The following FBXL17 variants were observed in gnomAD, a reference collection of about 807,000 sequenced individuals.
FBXL17 encodes the protein F-box/LRR-repeat protein 17.
A neutral mutation model predicts 66.2 loss-of-function variants in FBXL17; 22 were observed. That is an observed-to-expected ratio of 0.33 (90% CI 0.24 to 0.47). The LOEUF is 0.47. FBXL17 is among the 20% of genes least tolerant of loss of function. FBXL17 has a pLI of 1.00. For missense variants in FBXL17, 878 were observed against 948.2 expected, an observed-to-expected ratio of 0.93 and a Z score of 0.97; for synonymous variants, 474 against 400.5, an observed-to-expected ratio of 1.18 and a Z score of -2.19.
intron 4 of FBXL17, among the ~76,000 whole-genome samples, chr5:108,294,785 A>T (rs1758277547): frequency 6.6e-6 from 1 of 152,074 alleles, no homozygotes; most frequent in African/African-American, 2.4e-5. Flanking sequence ...AAAAAATACA[A>T]ATCTAAGCCA....
chr5:108,213,807 T>C (rs1754480539), intron 5 of FBXL17, among the ~76,000 whole-genome samples: 1 of 152,240 alleles, frequency 6.6e-6, no homozygotes, highest in African/African-American at 2.4e-5. Flanking sequence ...GGTATTTTAA[T>C]ATAGTTTTAA....
chr5:108,149,447 C>G (rs1011824221), intron 6 of FBXL17, among the ~76,000 whole-genome samples: 5 of 152,156 alleles, frequency 3.3e-5, no homozygotes, highest in Non-Finnish European at 7.4e-5. Flanking sequence ...TTCTCATTAT[C>G]CCCTAAGTAG....
intron 6 of FBXL17, among the ~76,000 whole-genome samples, chr5:108,026,501 G>C (rs957044635): frequency 2.6e-5 from 4 of 152,248 alleles, no homozygotes; most frequent in African/African-American, 9.6e-5. Context: ...CTAAAGATGT[G>C]CTCATAGAAG....
chr5:107,931,714 T>G (rs529616914), intron 7 of FBXL17, among the ~76,000 whole-genome samples: 3 of 152,188 alleles, frequency 2.0e-5, no homozygotes, highest in Non-Finnish European at 4.4e-5. Context: ...TAAAGACACC[T>G]AAGGCATAGA....
chr5:107,936,887 C>A (rs1030868555), intron 7 of FBXL17, among the ~76,000 whole-genome samples: 1 of 152,028 alleles, frequency 6.6e-6, no homozygotes, highest in Non-Finnish European at 1.5e-5. Context: ...GCTTTACCCA[C>A]CATAAACTTG....
At chr5:107,955,105 G>A (rs1751619569) in intron 7 of FBXL17, among the ~76,000 whole-genome samples, 1 of 151,894 alleles carries the variant, frequency 6.6e-6, no homozygotes, top group African/African-American at 2.4e-5. Context: ...AAAATAAAAT[G>A]CTAAAAGCTA....
intron 7 of FBXL17, among the ~76,000 whole-genome samples, chr5:107,955,441 C>T (rs1190111536): frequency 6.6e-6 from 1 of 152,120 alleles, no homozygotes; most frequent in East Asian, 1.9e-4. Flanking sequence ...TGATCTGAAA[C>T]CCTCTTTAAT....
chr5:107,995,743 A>G (rs1294104812), intron 7 of FBXL17, among the ~76,000 whole-genome samples: 1 of 152,044 alleles, frequency 6.6e-6, no homozygotes, highest in Non-Finnish European at 1.5e-5. Flanking sequence ...ATAACATTAA[A>G]TAAATTAAAT....
intron 4 of FBXL17, among the ~76,000 whole-genome samples, chr5:108,318,294 G>A (rs1413764604): frequency 1.3e-5 from 2 of 151,564 alleles, no homozygotes; most frequent in African/African-American, 4.8e-5. Flanking sequence ...TTTTACCTTT[G>A]CTATGTCTTC....
chr5:107,915,371 C>T (rs1299143566), intron 7 of FBXL17, among the ~76,000 whole-genome samples: 1 of 152,032 alleles, frequency 6.6e-6, no homozygotes, highest in East Asian at 1.9e-4. Flanking sequence ...AAAAAAGAAC[C>T]GTAGTTAATA....
At chr5:108,298,445 A>C (rs1758438902) in intron 4 of FBXL17, 3 of 972,954 alleles carry the variant, frequency 3.1e-6, no homozygotes, top group Non-Finnish European at 3.7e-6. Context: ...TCTAAACAAA[A>C]CTTCAGTAGG....
At chr5:108,170,283 T>A (rs983176462) in intron 6 of FBXL17, among the ~76,000 whole-genome samples, 1 of 152,116 alleles carries the variant, frequency 6.6e-6, no homozygotes, top group Admixed American at 6.5e-5. Context: ...TCCCAGACAT[T>A]AATATTTAAC....
At chr5:107,896,644 G>C (rs1243261861) in intron 7 of FBXL17, among the ~76,000 whole-genome samples, 2 of 152,102 alleles carry the variant, frequency 1.3e-5, no homozygotes, top group African/African-American at 4.8e-5. Flanking sequence ...CATGCCACTA[G>C]TGTTGCTGAA....
chr5:107,913,273 G>C (rs1750009408), intron 7 of FBXL17, among the ~76,000 whole-genome samples: 1 of 151,934 alleles, frequency 6.6e-6, no homozygotes, highest in South Asian at 2.1e-4. Context: ...CTGACAGACT[G>C]AAGGAAGAGA....
At chr5:108,375,489 CAATTAT>C (rs1207539203) in intron 1 of FBXL17, among the ~76,000 whole-genome samples, 1 of 151,754 alleles carries the variant, frequency 6.6e-6, no homozygotes, top group Admixed American at 6.6e-5. Context: ...AAAAAGTACA[CAATTAT>C]AAGAGAATAC....
chr5:107,978,537 G>A (rs1027399960), intron 7 of FBXL17, among the ~76,000 whole-genome samples: 13 of 152,030 alleles, frequency 8.6e-5, no homozygotes, highest in African/African-American at 2.7e-4. Context: ...TTGACCTTTC[G>A]AGATGTTTTT....
chr5:108,210,674 G>C (rs1453107791), intron 5 of FBXL17, among the ~76,000 whole-genome samples: 1 of 152,186 alleles, frequency 6.6e-6, no homozygotes, highest in Non-Finnish European at 1.5e-5. Context: ...TGGTGTGAGA[G>C]ACTCTTTGTT....
intron 4 of FBXL17, among the ~76,000 whole-genome samples, chr5:108,307,462 A>G (rs1161778764): frequency 6.6e-6 from 1 of 151,924 alleles, no homozygotes; most frequent in Non-Finnish European, 1.5e-5. Flanking sequence ...ATGTGTCGCC[A>G]TAGCCACCTA....
intron 6 of FBXL17, among the ~76,000 whole-genome samples, chr5:108,023,550 A>G (rs1754679950): frequency 6.6e-6 from 1 of 152,160 alleles, no homozygotes; most frequent in Non-Finnish European, 1.5e-5. Flanking sequence ...ATGTGGTGAT[A>G]GCAGTTCATG....
Sources: allele counts gnomAD v4.1 joint callset (sites outside exome capture counted in the v4.1 genomes callset), GRCh38; gene constraint gnomAD v4.1.1; transcripts MANE v1.5; gene names NCBI Gene and HGNC (gene_info 2026-07-23, HGNC 2026-07-21).